The following MARCHF4 variants were observed in gnomAD, a reference collection of about 807,000 sequenced individuals.
MARCHF4 encodes E3 ubiquitin-protein ligase MARCHF4.
A neutral mutation model predicts 43.9 loss-of-function variants in MARCHF4; 14 were observed. The observed-to-expected ratio is 0.32, with a 90% CI of 0.21 to 0.50. The LOEUF is 0.50. Among genes scored for constraint, MARCHF4 ranks in the 20% least tolerant of loss-of-function variants. MARCHF4 has a pLI of 0.98. For synonymous variants in MARCHF4, 226 were observed against 213.3 expected (o/e 1.06, Z -0.52); for missense variants, 468 against 536.7 (o/e 0.87, Z 1.27).
At chr2:216,283,544 G>T (rs768587900) in intron 2 of MARCHF4, 30 bp downstream of exon 2, 2 of 1,562,808 alleles carry the variant, frequency 1.3e-6, no homozygotes, top group Admixed American at 1.7e-5. Context: ...CCCAGGCCCA[G>T]CAACCCCACC....
intron 1 of MARCHF4, among the ~76,000 whole-genome samples, chr2:216,309,497 G>A (rs1285463731): frequency 1.3e-5 from 2 of 152,166 alleles, no homozygotes; most frequent in African/African-American, 2.4e-5. Flanking sequence ...CAAGTTCCTA[G>A]GGTGTACATA....
chr2:216,305,885 C>T (rs955550060), intron 1 of MARCHF4, among the ~76,000 whole-genome samples: 22 of 152,196 alleles, frequency 1.4e-4, no homozygotes, highest in Admixed American at 4.6e-4. Flanking sequence ...GGCATAAGGA[C>T]GGCACACATC....
At chr2:216,342,767 C>G (rs939410231) in intron 1 of MARCHF4, among the ~76,000 whole-genome samples, 3 of 152,180 alleles carry the variant, frequency 2.0e-5, no homozygotes, top group Non-Finnish European at 4.4e-5. Flanking sequence ...GCCCAGGGAA[C>G]TGATTGCCAA....
Position 216,370,380 on chromosome 2 carries a change from G to T in MARCHF4, c.-120C>A. On this transcript the variant is annotated 5_prime_UTR_variant, in exon 1 of 4. Coordinates refer to ENST00000273067, the MANE Select transcript of MARCHF4 (RefSeq NM_020814.3). Reference sequence around the variant, plus strand: ...GTGGGGGGAGTCTGCTTTCTCACTGGCTTTTCTTACAACCCCTCCAAGTAG... The same window carrying T: ...GTGGGGGGAGTCTGCTTTCTCACTGTCTTTTCTTACAACCCCTCCAAGTAG... 1.4e-6 allele frequency: 1 copy of T among 736,690 alleles called. No individual in the cohort carries two copies. Among genetic ancestry groups the T allele is most frequent in the Non-Finnish European group, 2.1e-6 (1 of 473,872 alleles). 45.6% of individuals were successfully genotyped at this position (736,690 alleles called of 1,614,324 possible).
intron 1 of MARCHF4, among the ~76,000 whole-genome samples, chr2:216,342,524 T>C (rs1692253370): frequency 6.6e-6 from 1 of 152,052 alleles, no homozygotes; most frequent in Non-Finnish European, 1.5e-5. Context: ...GCAAGGTTGC[T>C]AGGGGTGGCT....
intron 3 of MARCHF4, among the ~76,000 whole-genome samples, chr2:216,271,721 A>G (rs184009001): frequency 2.0e-5 from 3 of 152,282 alleles, no homozygotes. Flanking sequence ...TCCCTCCCCA[A>G]CAAGAAGAAA....
Position 216,370,459 on chromosome 2 carries a change from C to T in MARCHF4, c.-199G>A, listed in dbSNP as rs1442855644. The T allele has an allele frequency of 4.1e-6, 2 of 483,270 alleles. No individual in the cohort carries two copies. The highest frequency in any genetic ancestry group is 7.2e-6 in the Non-Finnish European group (2 of 277,990). 29.9% of individuals were successfully genotyped at this position (483,270 alleles called of 1,614,324 possible). On this transcript the variant is annotated 5_prime_UTR_variant, in exon 1 of 4. It adds an upstream start codon to the 5' untranslated region. Coordinates refer to ENST00000273067, the MANE Select transcript of MARCHF4 (RefSeq NM_020814.3). ...TGTGAGTCACTGGTTCTGAACTCCA[C>T]CTGGAAAGCCCAATAACAAAAAAGT...
chr2:216,263,491 G>T (rs1690779733), intron 3 of MARCHF4, among the ~76,000 whole-genome samples: 1 of 113,304 alleles, frequency 8.8e-6, no homozygotes, highest in Non-Finnish European at 2.0e-5. Flanking sequence ...GAAGGAGAGA[G>T]AAAGAGAGAG....
At chr2:216,353,568 G>A (rs752723640) in intron 1 of MARCHF4, among the ~76,000 whole-genome samples, 6 of 151,980 alleles carry the variant, frequency 3.9e-5, no homozygotes, top group East Asian at 3.9e-4. Flanking sequence ...TTTTTTCTGC[G>A]ATGGAGTCTT....
chr2:216,263,510 AG>A (rs66547786), intron 3 of MARCHF4, among the ~76,000 whole-genome samples: 72,413 of 127,738 alleles, frequency 0.57, 22,032 homozygotes, highest in Non-Finnish European at 0.71. Context: ...AGAGAGAGAG[AG>A]AGAGAGAGAG....
At chr2:216,300,384 T>C (rs1691476378) in intron 1 of MARCHF4, among the ~76,000 whole-genome samples, 1 of 137,614 alleles carries the variant, frequency 7.3e-6, no homozygotes, top group Non-Finnish European at 1.5e-5. Context: ...TACTCTGTCA[T>C]CCAGGTGAGA....
chr2:216,291,563 T>G (rs1691307787), intron 1 of MARCHF4, among the ~76,000 whole-genome samples: 1 of 152,194 alleles, frequency 6.6e-6, no homozygotes, highest in Admixed American at 6.5e-5. Flanking sequence ...AGACTCTGTT[T>G]AGCTCCATGC....
intron 3 of MARCHF4, among the ~76,000 whole-genome samples, chr2:216,274,379 G>C (rs539214742): frequency 6.6e-6 from 1 of 152,270 alleles, no homozygotes; most frequent in Admixed American, 6.5e-5. Context: ...AGAATGTCTA[G>C]TTGAGCCTAA....
intron 1 of MARCHF4, among the ~76,000 whole-genome samples, chr2:216,327,164 G>C (rs4672795): frequency 0.27 from 40,322 of 151,164 alleles, 6,508 homozygotes; most frequent in East Asian, 0.53. Flanking sequence ...TTTTTAAATT[G>C]AGATATAATT....
chr2:216,360,070 A>T (rs1308014931), intron 1 of MARCHF4, among the ~76,000 whole-genome samples: 1 of 152,120 alleles, frequency 6.6e-6, no homozygotes, highest in Non-Finnish European at 1.5e-5. Context: ...TGGAATTCTC[A>T]AAGTCAGAGA....
intron 1 of MARCHF4, among the ~76,000 whole-genome samples, chr2:216,292,965 AG>A (rs1250332275): frequency 6.6e-6 from 1 of 152,156 alleles, no homozygotes; most frequent in African/African-American, 2.4e-5. Flanking sequence ...TGAATGGAGA[AG>A]GGTTTGACTC....
chr2:216,264,250 A>T (rs1690807827), intron 3 of MARCHF4, among the ~76,000 whole-genome samples: 1 of 152,154 alleles, frequency 6.6e-6, no homozygotes, highest in Non-Finnish European at 1.5e-5. Context: ...CCCTTTGAGG[A>T]TCTAACGAAG....
At chr2:216,362,012 G>T (rs778642601) in intron 1 of MARCHF4, among the ~76,000 whole-genome samples, 9 of 152,156 alleles carry the variant, frequency 5.9e-5, no homozygotes, top group African/African-American at 9.7e-5. Flanking sequence ...GTCCAGGGAG[G>T]TTAAATAAGT....
At chr2:216,296,233 C>A (rs1010462519) in intron 1 of MARCHF4, among the ~76,000 whole-genome samples, 1 of 152,198 alleles carries the variant, frequency 6.6e-6, no homozygotes. Context: ...GTAGTCCCAG[C>A]TACTTGGGAG....
Sources: gnomAD v4.1 joint callset for allele counts (sites outside exome capture counted in the v4.1 genomes callset) on GRCh38, gnomAD v4.1.1 for gene constraint, MANE v1.5 for transcripts, NCBI Gene and HGNC (gene_info 2026-07-23, HGNC 2026-07-21) for gene names.